Variants in HEBP1 observed in about 807,000 individuals in gnomAD.
The protein encoded by HEBP1 is heme binding protein 1, also known as heme-binding protein 1.
Under a neutral mutation model 20.4 loss-of-function variants are expected in HEBP1, and 13 were observed. The ratio of observed to expected loss-of-function variants is 0.64; its 90% CI spans 0.42 to 1.01. HEBP1 has a LOEUF of 1.01. Ranked by LOEUF, HEBP1 falls within the 50% of genes least tolerant of loss-of-function variation. The pLI, the probability that HEBP1 is intolerant of heterozygous loss-of-function variation, is 0.00. For missense variants in HEBP1, 241 were observed against 247.3 expected (o/e 0.97, Z 0.17); for synonymous variants, 92 against 90.7 (o/e 1.01, Z -0.08).
At chr12:12,994,706 G>A (rs1864270662) in intron 1 of HEBP1, among the ~76,000 whole-genome samples, 1 of 152,158 alleles carries the variant, frequency 6.6e-6, no homozygotes, top group South Asian at 2.1e-4. Flanking sequence ...TCTAGAGCTG[G>A]AAGGGGTCTC....
chr12:12,976,077 CAAAAAAAA>C (rs56110606), intron 3 of HEBP1, among the ~76,000 whole-genome samples: 6 of 85,906 alleles, frequency 7.0e-5, no homozygotes, highest in African/African-American at 3.3e-4. Context: ...GACCCTGTGT[CAAAAAAAA>C]AAAAAAAAAA....
chr12:12,978,272 G>A (rs532536367), intron 3 of HEBP1, among the ~76,000 whole-genome samples: 17 of 130,960 alleles, frequency 1.3e-4, no homozygotes, highest in South Asian at 2.6e-4. Context: ...GTGCAGTGGC[G>A]CAATCTCGGC....
At chr12:12,984,632 A>G in intron 3 of HEBP1, 1 of 152,210 alleles carries the variant, frequency 6.6e-6, no homozygotes, top group Admixed American at 6.5e-5. Context: ...TAAAAGCTTA[A>G]AAATGTACCA....
chr12:12,995,962 A>G (rs143831297), intron 1 of HEBP1, among the ~76,000 whole-genome samples: 2 of 152,330 alleles, frequency 1.3e-5, no homozygotes, highest in African/African-American at 4.8e-5. Context: ...GCCTCTGGCT[A>G]TGGGATTTGT....
intron 3 of HEBP1, among the ~76,000 whole-genome samples, chr12:12,978,401 C>A (rs1247622216): frequency 6.6e-6 from 1 of 151,744 alleles, no homozygotes; most frequent in Non-Finnish European, 1.5e-5. Context: ...TGGGGTTTTG[C>A]CGTATTGGCC....
At chr12:12,992,365 A>G (rs1864234524) in intron 1 of HEBP1, among the ~76,000 whole-genome samples, 1 of 152,134 alleles carries the variant, frequency 6.6e-6, no homozygotes, top group Admixed American at 6.6e-5. Context: ...CACCACTCCC[A>G]GCTAATTTTT....
chr12:12,999,013 C>T (rs1864322242), intron 1 of HEBP1, among the ~76,000 whole-genome samples: 1 of 152,252 alleles, frequency 6.6e-6, no homozygotes, highest in African/African-American at 2.4e-5. Flanking sequence ...TGCACTCCTA[C>T]ACATCCCTGA....
intron 2 of HEBP1, among the ~76,000 whole-genome samples, chr12:12,988,984 G>T (rs1271233617): frequency 2.0e-5 from 3 of 152,096 alleles, no homozygotes; most frequent in Non-Finnish European, 2.9e-5. Flanking sequence ...AATAAGCACT[G>T]CAGGGTTAAA....
intron 1 of HEBP1, 73 bp from the exon 2 acceptor site, chr12:12,989,488 G>C: frequency 6.5e-7 from 1 of 1,535,666 alleles, no homozygotes; most frequent in Non-Finnish European, 8.9e-7. Flanking sequence ...AGTAGTAACA[G>C]AGGGCTAAAA....
intron 1 of HEBP1, 77 bp downstream of exon 1, chr12:12,999,960 G>T (rs1864334157): frequency 3.1e-6 from 3 of 980,588 alleles, no homozygotes; most frequent in South Asian, 3.0e-5. Flanking sequence ...CTGCCCCTCA[G>T]CACCCGCTGC....
At position 12,995,374 on chromosome 12, in the gene HEBP1, C is replaced by T. The variant is rs545916040; in HGVS notation, c.78+4663G>A. On this transcript the variant is annotated intron_variant, in intron 1 of 3. Coordinates refer to ENST00000014930, the MANE Select transcript of HEBP1 (RefSeq NM_015987.5). ...TATCTCTCTGTACCTAGATGTACCA[C>T]GCCTTGCATATTGTAGGCACTCTAC... Among the ~76,000 whole-genome samples the T allele has an allele frequency of 1.0e-3, 158 of 152,266 alleles. 1 individual carries two copies. Among genetic ancestry groups the T allele is most frequent in the Non-Finnish European group, 1.4e-3 (94 of 68,026 alleles).
chr12:12,983,684 C>T (rs1292244903), intron 3 of HEBP1: 7 of 455,838 alleles, frequency 1.5e-5, no homozygotes, highest in Non-Finnish European at 2.6e-5. Context: ...GTGAGAACTC[C>T]GTGTTAAAAA....
intron 1 of HEBP1, among the ~76,000 whole-genome samples, 190 bp from the exon 2 acceptor site, chr12:12,989,605 G>A (rs1363469816): frequency 6.6e-6 from 1 of 152,134 alleles, no homozygotes; most frequent in Non-Finnish European, 1.5e-5. Flanking sequence ...TCCAAAGCAG[G>A]AAAATCTTAT....
intron 3 of HEBP1, among the ~76,000 whole-genome samples, chr12:12,977,992 A>T (rs1449930445): frequency 3.3e-5 from 5 of 152,170 alleles, no homozygotes; most frequent in Admixed American, 3.3e-4. Flanking sequence ...TCAGCCTGAC[A>T]GAGCTAAAGA....
At chr12:12,984,666 A>C (rs1302247551) in intron 3 of HEBP1, 1 of 152,214 alleles carries the variant, frequency 6.6e-6, no homozygotes, top group East Asian at 1.9e-4. Context: ...GTTGTGTGCA[A>C]CTGTAGTACC....
At position 12,975,229 on chromosome 12, in the gene HEBP1, G is replaced by A; in HGVS notation, c.*79C>T. ...AGTTGGACTTGCAGCTGGAACTTGG[G>A]AAGCACTGTCCCCTCCTTACCCCCG... On this transcript the variant is annotated 3_prime_UTR_variant, in exon 4 of 4. Transcript: ENST00000014930. 7.3e-7 allele frequency: 1 copy of A among 1,371,698 alleles called. No homozygotes were observed. The allele number at this position is 1,371,698 out of a possible 1,614,324, so 85.0% of individuals were successfully genotyped here.
intron 3 of HEBP1, among the ~76,000 whole-genome samples, chr12:12,976,904 GT>G (rs928052722): frequency 6.6e-6 from 1 of 152,206 alleles, no homozygotes. Context: ...AGACACTGGA[GT>G]TTTTTATGAA....
intron 3 of HEBP1, among the ~76,000 whole-genome samples, chr12:12,981,818 G>A (rs1361733855): frequency 6.6e-6 from 1 of 152,192 alleles, no homozygotes; most frequent in Non-Finnish European, 1.5e-5. Context: ...CTGATGGGAT[G>A]GCAAGACATT....
Position 13,000,147 on chromosome 12 carries a change from G to A in HEBP1, c.-33C>T. 6.5e-7 allele frequency: 1 copy of A among 1,534,066 alleles called. No individual in the cohort carries two copies. The highest frequency in any genetic ancestry group is 8.9e-7 in the Non-Finnish European group (1 of 1,121,860). The stretch of plus-strand genomic sequence containing the variant: ...CCGAGACGCTCCCGACGCACGGGAG[G>A]ACGTGAGGTGGCGGGGGCGACGGAG... On this transcript the variant is annotated 5_prime_UTR_variant, in exon 1 of 4. Coordinates refer to ENST00000014930, the MANE Select transcript of HEBP1 (RefSeq NM_015987.5).
Sources: gnomAD v4.1 joint callset for allele counts (sites outside exome capture counted in the v4.1 genomes callset) on GRCh38, gnomAD v4.1.1 for gene constraint, MANE v1.5 for transcripts, NCBI Gene and HGNC (gene_info 2026-07-23, HGNC 2026-07-21) for gene names.